Variants in MACROD2 observed in about 807,000 individuals in gnomAD.
MACROD2 encodes the protein mono-ADP ribosylhydrolase 2.
MACROD2 carries 36 observed loss-of-function variants against 70.4 expected under a neutral mutation model. That is an observed-to-expected ratio of 0.51 (90% CI 0.39 to 0.68). The LOEUF (loss-of-function observed/expected upper bound fraction) is 0.68, where lower values mean the gene tolerates loss of function less well. Among genes scored for constraint, MACROD2 ranks in the 30% least tolerant of loss-of-function variants. The probability of loss-of-function intolerance (pLI) is 0.00; values close to 1 mark genes in which losing one functional copy is unlikely to be tolerated. For synonymous variants in MACROD2, 172 were observed against 178.8 expected, an observed-to-expected ratio of 0.96 and a Z score of 0.30; for missense variants, 496 against 538.4, an observed-to-expected ratio of 0.92 and a Z score of 0.78.
intron 15 of MACROD2, among the ~76,000 whole-genome samples, chr20:15,998,599 C>G (rs2066665474): frequency 7.6e-6 from 1 of 131,870 alleles, no homozygotes; most frequent in Admixed American, 8.6e-5. Flanking sequence ...GAGTCTTGCT[C>G]TGTCCCCCAG....
intron 4 of MACROD2, among the ~76,000 whole-genome samples, chr20:14,653,235 T>G (rs1329854951): frequency 6.7e-6 from 1 of 150,068 alleles, no homozygotes; most frequent in Non-Finnish European, 1.5e-5. Context: ...TTTTTTTTTT[T>G]TGAGACGGAG....
intron 5 of MACROD2, among the ~76,000 whole-genome samples, chr20:15,074,017 A>G (rs921169526): frequency 6.6e-6 from 1 of 152,218 alleles, no homozygotes; most frequent in Admixed American, 6.5e-5. Context: ...TTATTTTACT[A>G]TGAAAATGCA....
chr20:15,347,874 T>A (rs1297157575), intron 6 of MACROD2, among the ~76,000 whole-genome samples: 1 of 152,198 alleles, frequency 6.6e-6, no homozygotes, highest in African/African-American at 2.4e-5. Context: ...AGTGAGTGAA[T>A]GAATTTTTTG....
intron 10 of MACROD2, chr20:15,893,823 A>G (rs2064926794): frequency 3.1e-5 from 14 of 456,820 alleles, no homozygotes; most frequent in Non-Finnish European, 5.3e-5. Context: ...AGGGAAGAAG[A>G]TGCCAAGATG....
chr20:14,535,290 G>A (rs1336370106), intron 4 of MACROD2, among the ~76,000 whole-genome samples: 1 of 152,130 alleles, frequency 6.6e-6, no homozygotes, highest in Admixed American at 6.5e-5. Context: ...GATCACCTGA[G>A]ATCAGGAGTT....
chr20:15,464,575 A>G (rs1043151488), intron 7 of MACROD2, among the ~76,000 whole-genome samples: 3 of 152,158 alleles, frequency 2.0e-5, no homozygotes, highest in Non-Finnish European at 2.9e-5. Flanking sequence ...TTTATATGTT[A>G]ACCATTCTTG....
At chr20:14,377,332 GT>G (rs1200445667) in intron 3 of MACROD2, among the ~76,000 whole-genome samples, 2 of 152,152 alleles carry the variant, frequency 1.3e-5, no homozygotes, top group African/African-American at 4.8e-5. Context: ...TTCTCAGAAG[GT>G]TTCCTGGGAT....
intron 5 of MACROD2, among the ~76,000 whole-genome samples, chr20:15,193,668 G>A (rs2076586424): frequency 1.3e-5 from 2 of 151,754 alleles, no homozygotes; most frequent in Admixed American, 1.3e-4. Flanking sequence ...AAAGAAATGG[G>A]AGATGAATGA....
chr20:14,801,510 A>G lies in MACROD2; in HGVS notation c.418+116551A>G, dbSNP rs541307148. Among the ~76,000 whole-genome samples the G allele has an allele frequency of 3.3e-5, 5 of 152,210 alleles. No homozygotes were observed. In the East Asian group the frequency reaches 7.7e-4, roughly 24 times the overall value. ...TTCTTCTGTAATCTGTTTATTTTAC[A>G]TATTCTCACACCAGGAGTTTTTTAT... On this transcript the variant is annotated intron_variant, in intron 5 of 17. Transcript: ENST00000684519.
At chr20:15,449,030 T>TA (rs1255664698) in intron 7 of MACROD2, among the ~76,000 whole-genome samples, 1 of 152,100 alleles carries the variant, frequency 6.6e-6, no homozygotes, top group South Asian at 2.1e-4. Flanking sequence ...GATTTATCAA[T>TA]AAAAAATAAA....
intron 2 of MACROD2, among the ~76,000 whole-genome samples, chr20:14,072,135 ATAG>A (rs1334403949): frequency 1.3e-5 from 2 of 152,220 alleles, no homozygotes; most frequent in East Asian, 3.8e-4. Flanking sequence ...ATTTTGTCAA[ATAG>A]TAGCAGAAAC....
chr20:14,071,262 T>TTC, intron 2 of MACROD2, among the ~76,000 whole-genome samples: 1 of 126,644 alleles, frequency 7.9e-6, no homozygotes. Context: ...GTTTTTTTTT[T>TTC]TTTTTTTTTT....
chr20:14,535,971 T>G (rs1271237189), intron 4 of MACROD2, among the ~76,000 whole-genome samples: 1 of 152,204 alleles, frequency 6.6e-6, no homozygotes, highest in Non-Finnish European at 1.5e-5. Context: ...TAAAATAGTT[T>G]TGATCTAATG....
intron 3 of MACROD2, among the ~76,000 whole-genome samples, chr20:14,392,387 C>G (rs1245192934): frequency 6.6e-6 from 1 of 151,954 alleles, no homozygotes; most frequent in African/African-American, 2.4e-5. Context: ...TTTTCTGAAA[C>G]TTTATGTGAC....
chr20:15,882,783 G>A (rs946648172), intron 9 of MACROD2, among the ~76,000 whole-genome samples: 3 of 152,058 alleles, frequency 2.0e-5, no homozygotes, highest in African/African-American at 7.2e-5. Flanking sequence ...CGTGAATGAA[G>A]TGAATGAATG....
At chr20:15,958,947 C>T (rs943258255) in intron 12 of MACROD2, among the ~76,000 whole-genome samples, 11 of 152,172 alleles carry the variant, frequency 7.2e-5, no homozygotes, top group Admixed American at 2.6e-4. Flanking sequence ...GATTTCCAAC[C>T]TCCAGAACTG....
At chr20:15,847,099 T>C (rs1323182707) in intron 8 of MACROD2, among the ~76,000 whole-genome samples, 2 of 152,142 alleles carry the variant, frequency 1.3e-5, no homozygotes, top group Non-Finnish European at 2.9e-5. Context: ...TTTCAATGAA[T>C]ACATCATCAG....
chr20:15,651,687 T>A (rs895457125), intron 8 of MACROD2, among the ~76,000 whole-genome samples: 1 of 152,144 alleles, frequency 6.6e-6, no homozygotes, highest in Non-Finnish European at 1.5e-5. Context: ...ATCTTTCAAC[T>A]CCAGTGGTCC....
chr20:14,740,681 A>G (rs2071722281), intron 5 of MACROD2, among the ~76,000 whole-genome samples: 1 of 152,174 alleles, frequency 6.6e-6, no homozygotes, highest in East Asian at 1.9e-4. Flanking sequence ...CTTTATATGC[A>G]TAGTTTATTT....
Sources: gnomAD v4.1 joint callset for allele counts (sites outside exome capture counted in the v4.1 genomes callset) on GRCh38, gnomAD v4.1.1 for gene constraint, MANE v1.5 for transcripts, NCBI Gene and HGNC (gene_info 2026-07-23, HGNC 2026-07-21) for gene names.